TLL1: variants seen among roughly 807,000 people sequenced by gnomAD.
TLL1 encodes tolloid-like protein 1.
A neutral mutation model predicts 128.2 loss-of-function variants in TLL1; 49 were observed. The ratio of observed to expected loss-of-function variants is 0.38; its 90% CI spans 0.30 to 0.48. The LOEUF (loss-of-function observed/expected upper bound fraction) is 0.48, where lower values mean the gene tolerates loss of function less well. Among genes scored for constraint, TLL1 ranks in the 20% least tolerant of loss-of-function variants. The probability of loss-of-function intolerance (pLI) is 0.96; values close to 1 mark genes in which losing one functional copy is unlikely to be tolerated. For missense variants in TLL1, 1,123 were observed against 1,242.0 expected (o/e 0.90, Z 1.44); for synonymous variants, 454 against 418.8 (o/e 1.08, Z -1.03).
chr4:166,051,023 T>C lies in TLL1; in HGVS notation c.1525-4053T>C, dbSNP rs144487220. 9.1e-3 allele frequency among the ~76,000 whole-genome samples: 1,391 copies of C among 152,294 alleles called. 15 individuals are homozygous for C. The highest frequency in any genetic ancestry group is 0.051 in the Middle Eastern group (15 of 294). Reference sequence around the variant, plus strand: ...TTACTATCACTTTCCCTATATTCTCTATGAAGATATTAGGTCTGTTTACAT... The same window carrying C: ...TTACTATCACTTTCCCTATATTCTCCATGAAGATATTAGGTCTGTTTACAT... On this transcript the variant is annotated intron_variant, in intron 12 of 20. Transcript: ENST00000061240.
intron 9 of TLL1, 151 bp downstream of exon 9, chr4:166,025,582 A>G (rs1052108733): frequency 1.5e-5 from 10 of 671,870 alleles, no homozygotes; most frequent in Non-Finnish European, 2.6e-5. Context: ...AATTGCTTAA[A>G]CTCCAGGAAT....
intron 1 of TLL1, among the ~76,000 whole-genome samples, chr4:165,949,705 A>G (rs1365855953): frequency 6.6e-6 from 1 of 152,102 alleles, no homozygotes; most frequent in Admixed American, 6.6e-5. Context: ...TGAAACCAAT[A>G]TAGTCTCATG....
intron 8 of TLL1, among the ~76,000 whole-genome samples, chr4:166,017,442 G>T (rs776569324): frequency 7.9e-5 from 12 of 151,834 alleles, no homozygotes; most frequent in Non-Finnish European, 1.0e-4. Context: ...ATTTTCCTTC[G>T]GATATATGCT....
intron 8 of TLL1, among the ~76,000 whole-genome samples, chr4:166,019,143 G>A (rs966337136): frequency 6.6e-6 from 1 of 152,176 alleles, no homozygotes; most frequent in African/African-American, 2.4e-5. Flanking sequence ...ATGAAATCAT[G>A]TCCTTTTCAG....
Position 166,074,942 on chromosome 4 carries a change from C to T in TLL1, c.2253C>T (p.Ser751=). The change falls in exon 17 of 21, where the codon AGC becomes AGT. Residue 751 remains serine, a synonymous_variant. Coordinates refer to ENST00000061240, the MANE Select transcript of TLL1 (RefSeq NM_012464.5). ...ACGAATGTGTCAACACGATGGGGAG[C>T]TACATGTGTCAATGCCGTAATGGAT... is the stretch of plus-strand genomic sequence containing the variant. ...CQHECVNTMG[S]YMCQCRNGFV... is the part of the protein sequence containing the mutation. The T allele has an allele frequency of 1.9e-6, 3 of 1,613,646 alleles. No homozygotes were observed. Among genetic ancestry groups the T allele is most frequent in the African/African-American group, 1.3e-5 (1 of 75,002 alleles).
At chr4:166,023,592 G>A (rs1250880316) in intron 8 of TLL1, among the ~76,000 whole-genome samples, 1 of 152,010 alleles carries the variant, frequency 6.6e-6, no homozygotes, top group Non-Finnish European at 1.5e-5. Context: ...ATGTAGTAGG[G>A]GTCAGCTAGC....
intron 19 of TLL1, among the ~76,000 whole-genome samples, chr4:166,093,665 GT>G: frequency 6.6e-6 from 1 of 152,244 alleles, no homozygotes; most frequent in East Asian, 1.9e-4. Context: ...CTGGGGGACG[GT>G]CAGGCCTTTC....
chr4:166,057,636 A>G (rs1740088019), intron 14 of TLL1, among the ~76,000 whole-genome samples: 1 of 152,164 alleles, frequency 6.6e-6, no homozygotes, highest in African/African-American at 2.4e-5. Flanking sequence ...GTAATTTGTA[A>G]TAGAAAGAGA....
At chr4:165,935,595 C>T (rs549563601) in intron 1 of TLL1, among the ~76,000 whole-genome samples, 3 of 152,208 alleles carry the variant, frequency 2.0e-5, no homozygotes, top group Non-Finnish European at 4.4e-5. Flanking sequence ...AAAAGCTATC[C>T]ATGTGCCCTT....
intron 1 of TLL1, among the ~76,000 whole-genome samples, chr4:165,959,584 T>G (rs1734993652): frequency 6.6e-6 from 1 of 152,122 alleles, no homozygotes; most frequent in African/African-American, 2.4e-5. Context: ...ATCAACCACA[T>G]GCTTGGCCAT....
intron 12 of TLL1, among the ~76,000 whole-genome samples, chr4:166,045,938 C>A (rs1739446204): frequency 6.6e-6 from 1 of 152,170 alleles, no homozygotes; most frequent in South Asian, 2.1e-4. Context: ...TCTAAATCAT[C>A]ACTCTGTTTT....
intron 1 of TLL1, among the ~76,000 whole-genome samples, chr4:165,963,847 G>A (rs1458824019): frequency 6.6e-6 from 1 of 152,130 alleles, no homozygotes; most frequent in Non-Finnish European, 1.5e-5. Flanking sequence ...AAAATGTGTG[G>A]TTGGGGAGAA....
chr4:165,921,161 A>G (rs1733023233), intron 1 of TLL1, among the ~76,000 whole-genome samples: 1 of 152,166 alleles, frequency 6.6e-6, no homozygotes, highest in African/African-American at 2.4e-5. Flanking sequence ...ATGGGGCCCA[A>G]ATGAGATGAC....
intron 1 of TLL1, among the ~76,000 whole-genome samples, chr4:165,951,692 C>T (rs966014268): frequency 6.6e-6 from 1 of 152,102 alleles, no homozygotes; most frequent in Non-Finnish European, 1.5e-5. Context: ...GGTCTTGGTG[C>T]TACTGGTAGT....
Position 166,055,253 on chromosome 4 carries a change from G to T in TLL1, c.1702G>T (p.Ala568Ser), listed in dbSNP as rs559192808. The T allele has an allele frequency of 1.9e-5, 31 of 1,613,564 alleles. 1 individual carries two copies. The Admixed American group carries it at 4.3e-4, about 23-fold the overall frequency. Reference protein sequence around the residue: ...SDGTVNKAGFAANFFKEEDEC... With the variant: ...SDGTVNKAGFSANFFKEEDEC... ...CGGAACTGTGAACAAAGCAGGGTTT[G>T]CTGCTAACTTTTTTAAAGGTAATTT... is the stretch of plus-strand genomic sequence containing the variant. Residue 568 changes from alanine (A) to serine (S), a missense_variant, in exon 13 of 21, where the codon GCT (alanine) becomes TCT (serine). By Grantham distance (99) the Ala-to-Ser change is moderately conservative. This residue lies in a region of TLL1 where 634 missense variants were observed against 672.4 expected (regional missense o/e 0.94). Coordinates refer to ENST00000061240, the MANE Select transcript of TLL1 (RefSeq NM_012464.5).
intron 6 of TLL1, among the ~76,000 whole-genome samples, chr4:166,004,107 G>A (rs953088304): frequency 4.0e-5 from 6 of 151,874 alleles, no homozygotes; most frequent in African/African-American, 7.3e-5. Flanking sequence ...CAAATTCTTA[G>A]GAAAATTTTC....
rs760438593 is a variant in TLL1, at chr4:166,051,118, T to C, written c.1525-3958T>C. Among the ~76,000 whole-genome samples, 9 of 152,226 alleles carry C rather than the reference T, an allele frequency of 5.9e-5. 1 individual carries two copies. The highest frequency in any genetic ancestry group is 1.0e-4 in the Non-Finnish European group (7 of 68,034). ...CCTTAAAGTGTGTAAGAAATCGGCA[T>C]CATCTTTATTTATTATATGTTTATT... is the stretch of plus-strand genomic sequence containing the variant. On this transcript the variant is annotated intron_variant, in intron 12 of 20. Coordinates refer to ENST00000061240, the MANE Select transcript of TLL1 (RefSeq NM_012464.5).
chr4:165,963,557 G>A (rs1013647514), intron 1 of TLL1, among the ~76,000 whole-genome samples: 1 of 152,054 alleles, frequency 6.6e-6, no homozygotes, highest in South Asian at 2.1e-4. Flanking sequence ...CTTAAATGTT[G>A]TAATTTTAAG....
chr4:166,004,984 A>C (rs765005852), intron 6 of TLL1, among the ~76,000 whole-genome samples: 8 of 151,938 alleles, frequency 5.3e-5, no homozygotes, highest in African/African-American at 9.7e-5. Context: ...ACCTAATAGA[A>C]ATCTAAATAA....
Sources: allele counts gnomAD v4.1 joint callset (sites outside exome capture counted in the v4.1 genomes callset), GRCh38; gene constraint gnomAD v4.1.1; regional missense constraint gnomAD v4.1.1; transcripts MANE v1.5; gene names NCBI Gene and HGNC (gene_info 2026-07-23, HGNC 2026-07-21).